Variants in OPALIN observed in about 807,000 individuals in gnomAD.
The protein encoded by OPALIN is oligodendrocytic myelin paranodal and inner loop protein, also known as transmembrane protein 10.
Under a neutral mutation model 17.8 loss-of-function variants are expected in OPALIN, and 15 were observed. The ratio of observed to expected loss-of-function variants is 0.84; its 90% CI spans 0.56 to 1.29. The LOEUF is 1.29. Among genes scored for constraint, OPALIN ranks in the 50% most tolerant of loss-of-function variants. The probability of loss-of-function intolerance (pLI) is 0.00; values close to 1 mark genes in which losing one functional copy is unlikely to be tolerated. For missense variants in OPALIN, 170 were observed against 176.0 expected, an observed-to-expected ratio of 0.97 and a Z score of 0.19; for synonymous variants, 62 against 63.8, an observed-to-expected ratio of 0.97 and a Z score of 0.14.
At position 96,346,042 on chromosome 10, in the gene OPALIN, C is replaced by G; in HGVS notation, c.325G>C (p.Ala109Pro). The G allele has an allele frequency of 1.2e-6, 2 of 1,614,146 alleles. No homozygotes were observed. Among genetic ancestry groups the G allele is most frequent in the Non-Finnish European group, 1.7e-6 (2 of 1,179,980 alleles). ...TCATGCACAGGTTCCTCGCTTCCTG[C>G]TACAGTCTTCACATATATGTGGGCC... ...QEAHIYVKTV[A>P]GSEEPVHDRY... Residue 109 changes from alanine (A) to proline (P), a missense_variant, in exon 6 of 6, where the codon GCA (alanine) becomes CCA (proline). Physicochemically the swap from Ala to Pro is conservative, Grantham distance 27. Transcript: ENST00000371172.
chr10:96,352,486 A>G (rs763958073), intron 2 of OPALIN, among the ~76,000 whole-genome samples: 26 of 152,082 alleles, frequency 1.7e-4, no homozygotes, highest in Non-Finnish European at 3.2e-4. Context: ...GAAGGTTTTG[A>G]TGACCAGGCA....
intron 2 of OPALIN, among the ~76,000 whole-genome samples, chr10:96,352,152 G>A (rs1481613252): frequency 6.6e-6 from 1 of 152,056 alleles, no homozygotes; most frequent in Non-Finnish European, 1.5e-5. Context: ...ATATCTACAG[G>A]GATAGTAGTA....
In OPALIN at chr10:96,346,111, T is replaced by C; in HGVS notation, c.256A>G (p.Arg86Gly). ...DDNPKISENP[R>G]RSPTHEKNTM... is the part of the protein sequence containing the mutation. ...TTCTTCTCATGTGTGGGTGATCTCC[T>C]AGGATTCTTAAGGAAACAAATAGGT... The change falls in exon 6 of 6, where the codon AGG becomes GGG. Residue 86 changes from arginine (R) to glycine (G), a missense_variant. Transcript: ENST00000371172. The C allele has an allele frequency of 6.2e-7, 1 of 1,613,422 alleles. No individual in the cohort carries two copies. Among genetic ancestry groups the C allele is most frequent in the Non-Finnish European group, 8.5e-7 (1 of 1,179,602 alleles).
intron 5 of OPALIN, among the ~76,000 whole-genome samples, chr10:96,347,009 C>T (rs978669827): frequency 6.6e-6 from 1 of 151,804 alleles, no homozygotes. Flanking sequence ...ATCCAGTAAA[C>T]TTGTTAAAAT....
At chr10:96,354,189 A>T (rs1242140196) in intron 2 of OPALIN, among the ~76,000 whole-genome samples, 3 of 152,130 alleles carry the variant, frequency 2.0e-5, no homozygotes, top group Non-Finnish European at 4.4e-5. Flanking sequence ...CTGATCAGAT[A>T]ACAACCTTGG....
intron 1 of OPALIN, chr10:96,356,884 A>G (rs1416046089): frequency 1.0e-6 from 1 of 985,208 alleles, no homozygotes; most frequent in Non-Finnish European, 1.2e-6. Flanking sequence ...CCCAAGTCCA[A>G]ACAACTACTT....
At chr10:96,358,542 G>C (rs1446589327) in intron 1 of OPALIN, among the ~76,000 whole-genome samples, 3 of 152,136 alleles carry the variant, frequency 2.0e-5, no homozygotes, top group Non-Finnish European at 4.4e-5. Context: ...GAAAATTTCT[G>C]ATCAATGATG....
At position 96,345,968 on chromosome 10, in the gene OPALIN, C is replaced by G. The variant is rs777904182; in HGVS notation, c.399G>C (p.Trp133Cys). 1 of 1,614,150 alleles carries G rather than the reference C, an allele frequency of 6.2e-7. No homozygotes were observed. Among genetic ancestry groups the G allele is most frequent in the Non-Finnish European group, 8.5e-7 (1 of 1,179,990 alleles). The change falls in exon 6 of 6, where the codon TGG (tryptophan) becomes TGC (cysteine). Residue 133 changes from tryptophan (W) to cysteine (C), a missense_variant. Physicochemically the swap from Trp to Cys is radical, Grantham distance 215. Transcript: ENST00000371172. ...ATTCCAGGCTCAGTCTGGGCACAAGCCACCACAATCCCCTCCTTCTTTCCA... is the reference window on the plus strand; with the variant it reads ...ATTCCAGGCTCAGTCTGGGCACAAGGCACCACAATCCCCTCCTTCTTTCCA... ...IEMERRRGLW[W>C]LVPRLSLE
intron 3 of OPALIN, among the ~76,000 whole-genome samples, chr10:96,350,199 A>G (rs1845519467): frequency 6.6e-6 from 1 of 152,204 alleles, no homozygotes; most frequent in East Asian, 1.9e-4. Flanking sequence ...TAAAAATAAA[A>G]GCTTTTATTA....
chr10:96,355,317 C>T (rs1184973), intron 1 of OPALIN, 27 bp from the exon 2 acceptor site: 7 of 1,611,678 alleles, frequency 4.3e-6, no homozygotes, highest in Non-Finnish European at 5.9e-6. Context: ...AACATTAAAG[C>T]TCCCAGGGAT....
At chr10:96,357,178 C>T in intron 1 of OPALIN, 1 of 985,082 alleles carries the variant, frequency 1.0e-6, no homozygotes, top group Non-Finnish European at 1.2e-6. Context: ...CTGCCCAGAG[C>T]TTTATCTCAT....
intron 4 of OPALIN, 144 bp downstream of exon 4, chr10:96,349,563 G>GA (rs373688049): frequency 2.3e-4 from 210 of 913,178 alleles, no homozygotes; most frequent in African/African-American, 2.0e-3. Flanking sequence ...GTCTGCAGTG[G>GA]AAATTATGGC....
intron 5 of OPALIN, among the ~76,000 whole-genome samples, chr10:96,347,157 T>A (rs1363014984): frequency 6.6e-6 from 1 of 152,064 alleles, no homozygotes; most frequent in Non-Finnish European, 1.5e-5. Context: ...GATGGTGTGA[T>A]CTCAGCTCAC....
intron 1 of OPALIN, among the ~76,000 whole-genome samples, chr10:96,358,289 C>G (rs373140814): frequency 1.3e-4 from 19 of 149,234 alleles, no homozygotes; most frequent in African/African-American, 4.7e-4. Context: ...ATAATGTTCT[C>G]CAGGTCCAAA....
chr10:96,356,567 A>G (rs982664847), intron 1 of OPALIN, among the ~76,000 whole-genome samples: 5 of 152,192 alleles, frequency 3.3e-5, no homozygotes, highest in African/African-American at 1.2e-4. Flanking sequence ...AACCCGAAAG[A>G]TGGTAACAGA....
At position 96,358,912 on chromosome 10, in the gene OPALIN, A is replaced by G. The variant is rs376879199; in HGVS notation, c.-16T>C. 20 of 1,613,948 alleles carry G rather than the reference A, an allele frequency of 1.2e-5. No individual in the cohort carries two copies. The highest frequency in any genetic ancestry group is 1.7e-5 in the Non-Finnish European group (20 of 1,179,874). ...CACTCACCATTTCTGACAGTCTCCCAGGAACCTTCTTCGTACACTGCCTTT... is the reference window on the plus strand; with the variant it reads ...CACTCACCATTTCTGACAGTCTCCCGGGAACCTTCTTCGTACACTGCCTTT... On this transcript the variant is annotated 5_prime_UTR_variant, in exon 1 of 6. Coordinates refer to ENST00000371172, the MANE Select transcript of OPALIN (RefSeq NM_033207.5).
rs892129118 is a variant in OPALIN at position 96,345,162 on chromosome 10, T to C, written c.*779A>G. On this transcript the variant is annotated 3_prime_UTR_variant, in exon 6 of 6. Coordinates refer to ENST00000371172, the MANE Select transcript of OPALIN (RefSeq NM_033207.5). ...ATTAGCTGTTTTATCAGGCAAGCAA[T>C]ATGGGAAGAGGTAGGAAGAAGGTGG... 4 of 152,146 alleles carry C rather than the reference T, an allele frequency of 2.6e-5. No homozygotes were observed. Among genetic ancestry groups the C allele is most frequent in the Admixed American group, 6.5e-5 (1 of 15,274 alleles). The allele number at this position is 152,146 out of a possible 1,614,324, so 9.4% of individuals were successfully genotyped here. A position where few individuals can be genotyped will look rare whatever the true frequency, so the allele number is the denominator to read the frequency against.
At chr10:96,350,705 A>C (rs1452598431) in intron 3 of OPALIN, among the ~76,000 whole-genome samples, 1 of 152,258 alleles carries the variant, frequency 6.6e-6, no homozygotes, top group Non-Finnish European at 1.5e-5. Context: ...GCCTTTCAAA[A>C]AAAATTTATT....
chr10:96,353,426 C>T (rs772990400), intron 2 of OPALIN: 1 of 1,613,696 alleles, frequency 6.2e-7, no homozygotes, highest in South Asian at 1.1e-5. Flanking sequence ...AGAAATGTGA[C>T]TTCCAGGCAG....
Sources: gnomAD v4.1 joint callset for allele counts (sites outside exome capture counted in the v4.1 genomes callset) on GRCh38, gnomAD v4.1.1 for gene constraint, MANE v1.5 for transcripts, NCBI Gene and HGNC (gene_info 2026-07-23, HGNC 2026-07-21) for gene names.